The following TMCO5A variants were observed in gnomAD, a reference collection of about 807,000 sequenced individuals.
The protein encoded by TMCO5A is transmembrane and coiled-coil domains 5A.
TMCO5A carries 34 observed loss-of-function variants against 42.3 expected under a neutral mutation model. The ratio of observed to expected loss-of-function variants is 0.80; its 90% confidence interval spans 0.61 to 1.07. TMCO5A has a LOEUF of 1.07. Ranked by LOEUF, TMCO5A falls within the 50% of genes least tolerant of loss-of-function variation. TMCO5A has a pLI of 0.00. For missense variants in TMCO5A, 357 were observed against 327.9 expected, an observed-to-expected ratio of 1.09 and a Z score of -0.69; for synonymous variants, 131 against 115.6, an observed-to-expected ratio of 1.13 and a Z score of -0.86.
the TMCO5A span, among the ~76,000 whole-genome samples, chr15:37,990,632 T>A: frequency 6.6e-6 from 1 of 152,102 alleles, no homozygotes; most frequent in African/African-American, 2.4e-5. Context: ...AAGCACTTAC[T>A]GATAACGATA....
At chr15:37,982,031 G>A in the TMCO5A span, among the ~76,000 whole-genome samples, 5 of 152,306 alleles carry the variant, frequency 3.3e-5, no homozygotes, top group African/African-American at 1.2e-4. Flanking sequence ...TCAGAAGCTA[G>A]TCATTCATGT....
the TMCO5A span, among the ~76,000 whole-genome samples, chr15:38,032,215 A>G: frequency 1.5e-4 from 23 of 152,224 alleles, no homozygotes; most frequent in Admixed American, 9.8e-4. Flanking sequence ...TTGGCCTCCC[A>G]AAGTGCTGGG....
the TMCO5A span, among the ~76,000 whole-genome samples, chr15:38,010,733 CTTTA>C: frequency 2.0e-5 from 3 of 152,028 alleles, no homozygotes; most frequent in African/African-American, 7.2e-5. Context: ...TAACGATACT[CTTTA>C]TTTATTTATT....
At chr15:37,950,382 T>A (rs1385785404) in intron 11 of TMCO5A, among the ~76,000 whole-genome samples, 3 of 152,160 alleles carry the variant, frequency 2.0e-5, no homozygotes, top group African/African-American at 4.8e-5. Flanking sequence ...AATCGAGAAT[T>A]TTTTTCTTTA....
At chr15:37,941,090 A>T in intron 6 of TMCO5A, 59 bp from the exon 7 acceptor site, 1 of 1,550,636 alleles carries the variant, frequency 6.4e-7, no homozygotes, top group Non-Finnish European at 8.9e-7. Context: ...TGGTGACAGC[A>T]TTCCATTCCT....
the TMCO5A span, among the ~76,000 whole-genome samples, chr15:37,995,659 TTCAG>T: frequency 6.6e-6 from 1 of 152,186 alleles, no homozygotes; most frequent in Non-Finnish European, 1.5e-5. Flanking sequence ...GTTCCTGCAG[TTCAG>T]TCAGTCATTT....
intron 11 of TMCO5A, among the ~76,000 whole-genome samples, chr15:37,963,809 C>T (rs1344893238): frequency 1.3e-5 from 2 of 152,098 alleles, no homozygotes; most frequent in Admixed American, 1.3e-4. Context: ...TACAATGTCC[C>T]TCTTTCTCTT....
chr15:38,010,965 T>C, the TMCO5A span, among the ~76,000 whole-genome samples: 1 of 152,270 alleles, frequency 6.6e-6, no homozygotes, highest in African/African-American at 2.4e-5. Flanking sequence ...CAGGCTGGTC[T>C]CAAACTCCTG....
intron 11 of TMCO5A, among the ~76,000 whole-genome samples, chr15:37,957,792 A>G (rs555263667): frequency 6.6e-6 from 1 of 152,290 alleles, no homozygotes; most frequent in African/African-American, 2.4e-5. Flanking sequence ...AGACAATCCT[A>G]AGCAAAAAGA....
At chr15:37,952,759 G>T (rs996858793), downstream of TMCO5A, among the ~76,000 whole-genome samples, 1 of 152,186 alleles carries the variant, frequency 6.6e-6, no homozygotes, top group African/African-American at 2.4e-5. Context: ...TGAGCCCTTG[G>T]GTTCCCAATT....
the TMCO5A span, among the ~76,000 whole-genome samples, chr15:38,038,412 T>A: frequency 6.6e-6 from 1 of 151,846 alleles, no homozygotes; most frequent in Non-Finnish European, 1.5e-5. Context: ...ATTTCTTTTT[T>A]TTTTTTTTTT....
downstream of TMCO5A, among the ~76,000 whole-genome samples, chr15:37,969,639 G>C (rs1036728050): frequency 1.3e-4 from 20 of 152,166 alleles, no homozygotes; most frequent in African/African-American, 4.8e-4. Flanking sequence ...TTGTTATACA[G>C]ATTATTTCAT....
chr15:37,962,996 T>C (rs932213947), intron 11 of TMCO5A, among the ~76,000 whole-genome samples: 1 of 152,144 alleles, frequency 6.6e-6, no homozygotes, highest in African/African-American at 2.4e-5. Flanking sequence ...AACCAGCTTT[T>C]TGTTTCATTT....
the TMCO5A span, among the ~76,000 whole-genome samples, chr15:38,008,676 G>A: frequency 3.9e-5 from 6 of 152,152 alleles, no homozygotes; most frequent in Non-Finnish European, 8.8e-5. Context: ...TGCCAGGCAC[G>A]AGGTCAACTC....
intron 7 of TMCO5A, 121 bp from the exon 8 acceptor site, chr15:37,941,550 A>C: frequency 1.3e-6 from 1 of 793,302 alleles, no homozygotes; most frequent in Non-Finnish European, 2.1e-6. Context: ...CAAAAAAGAA[A>C]ACATATTTAG....
the TMCO5A span, among the ~76,000 whole-genome samples, chr15:38,001,723 C>T: frequency 1.3e-5 from 2 of 151,848 alleles, no homozygotes; most frequent in African/African-American, 2.4e-5. Context: ...TCTTATAACT[C>T]CTTATTTTAG....
the TMCO5A span, among the ~76,000 whole-genome samples, chr15:37,995,698 TCC>T: frequency 6.6e-6 from 1 of 152,196 alleles, no homozygotes; most frequent in African/African-American, 2.4e-5. Context: ...ATCCTTAGGA[TCC>T]CAGCACTATA....
the TMCO5A span, among the ~76,000 whole-genome samples, chr15:37,989,050 A>G: frequency 2.0e-5 from 3 of 151,934 alleles, no homozygotes; most frequent in African/African-American, 7.2e-5. Flanking sequence ...CTAATTCTTC[A>G]TGCTTCAGTC....
chr15:37,937,529 C>A, intron 5 of TMCO5A, 133 bp downstream of exon 5: 3 of 855,532 alleles, frequency 3.5e-6, no homozygotes, highest in East Asian at 2.6e-5. Context: ...ATATTACTCT[C>A]TAATCCACTC....
Sources: allele counts gnomAD v4.1 joint callset (sites outside exome capture counted in the v4.1 genomes callset), GRCh38; gene constraint gnomAD v4.1.1; transcripts MANE v1.5; gene names NCBI Gene and HGNC (gene_info 2026-07-23, HGNC 2026-07-21).